ARSG: variants seen among roughly 807,000 people sequenced by gnomAD.
The protein encoded by ARSG is ASG.
ARSG carries 37 observed loss-of-function variants against 50.5 expected under a neutral mutation model. The ratio of observed to expected loss-of-function variants is 0.73; its 90% CI spans 0.56 to 0.96. The LOEUF is 0.96. Ranked by LOEUF, ARSG falls within the 50% of genes least tolerant of loss-of-function variation. ARSG has a pLI of 0.00. For synonymous variants in ARSG, 225 were observed against 254.6 expected, an observed-to-expected ratio of 0.88 and a Z score of 1.11; for missense variants, 629 against 675.3, an observed-to-expected ratio of 0.93 and a Z score of 0.76.
rs138277676 is a variant in ARSG at position 68,292,079 on chromosome 17, C to T, written c.-552+511C>T. On this transcript the variant is annotated intron_variant, in intron 1 of 11. Transcript: ENST00000621439. Reference sequence around the variant, plus strand: ...CCTTCCGGCAGTGGGGAGGGAGTGTCGCAGTGGGCCCCAGGGAGCGAGCGG... The same window carrying T: ...CCTTCCGGCAGTGGGGAGGGAGTGTTGCAGTGGGCCCCAGGGAGCGAGCGG... Among the ~76,000 whole-genome samples, 390 of 152,064 alleles carry T rather than the reference C, an allele frequency of 2.6e-3. 5 individuals are homozygous for T. Among genetic ancestry groups the T allele is most frequent in the Middle Eastern group, 0.017 (5 of 290 alleles).
intron 3 of ARSG, among the ~76,000 whole-genome samples, chr17:68,346,170 T>G (rs1013043378): frequency 1.3e-5 from 2 of 152,122 alleles, no homozygotes; most frequent in African/African-American, 4.8e-5. Context: ...GCCACTCAAT[T>G]GAGAGAAATT....
In ARSG at chr17:68,311,800, CTTTTTTTTTT is replaced by C. The variant is rs36097952; in HGVS notation, c.218+4100_218+4109del. Among the ~76,000 whole-genome samples, 5 of 116,374 alleles carry C rather than the reference CTTTTTTTTTT, an allele frequency of 4.3e-5. No homozygotes were observed. The South Asian group carries it at 1.2e-3, about 27-fold the overall frequency. The allele number at this position is 116,374 out of a possible 152,430, so 76.3% of individuals were successfully genotyped here. A position where few individuals can be genotyped will look rare whatever the true frequency, so the allele number is the denominator to read the frequency against. On this transcript the variant is annotated intron_variant, in intron 2 of 11. Transcript: ENST00000621439. ...CAGACTTTTAGCCTCCTGTACTGTA[CTTTTTTTTTT>C]TTTTTTTTTTGACGGAGTCTTGCTC...
intron 1 of ARSG, among the ~76,000 whole-genome samples, chr17:68,266,581 A>T (rs1790474314): frequency 6.6e-6 from 1 of 151,206 alleles, no homozygotes; most frequent in Non-Finnish European, 1.5e-5. Context: ...AGGCCGAAGC[A>T]GGTGGATCAC....
intron 1 of ARSG, among the ~76,000 whole-genome samples, chr17:68,279,331 C>T (rs564754173): frequency 1.3e-5 from 2 of 152,050 alleles, no homozygotes; most frequent in East Asian, 1.9e-4. Context: ...TCTTCTTCCC[C>T]GCCATTTTCT....
chr17:68,407,822 CTTTACTGATTTGAATGCCCT>C (rs1325919759), intron 11 of ARSG, among the ~76,000 whole-genome samples: 8 of 152,040 alleles, frequency 5.3e-5, no homozygotes, highest in South Asian at 4.1e-4. Flanking sequence ...TTGACTTCCT[CTTTACTGATTTGAATGCCCT>C]TTTACTGATT....
chr17:68,405,611 C>G (rs998265442), intron 11 of ARSG, among the ~76,000 whole-genome samples: 1 of 152,102 alleles, frequency 6.6e-6, no homozygotes, highest in Non-Finnish European at 1.5e-5. Context: ...AAGATTATAT[C>G]ATATCTGAAG....
At chr17:68,303,343 C>T (rs1219681382) in intron 1 of ARSG, among the ~76,000 whole-genome samples, 1 of 152,164 alleles carries the variant, frequency 6.6e-6, no homozygotes, top group African/African-American at 2.4e-5. Flanking sequence ...CCAGGCTGGT[C>T]TCCAACTCTC....
intron 2 of ARSG, among the ~76,000 whole-genome samples, chr17:68,343,192 T>C (rs1192244979): frequency 6.6e-6 from 1 of 152,178 alleles, no homozygotes; most frequent in Non-Finnish European, 1.5e-5. Flanking sequence ...GTCTCGCTCC[T>C]GTCACCCAGG....
At chr17:68,438,882 G>A in the ARSG span, among the ~76,000 whole-genome samples, 1 of 152,230 alleles carries the variant, frequency 6.6e-6, no homozygotes, top group African/African-American at 2.4e-5. Flanking sequence ...TTACAGGCGT[G>A]AGCCATCGTG....
intron 11 of ARSG, among the ~76,000 whole-genome samples, chr17:68,419,805 A>T (rs2082643883): frequency 6.6e-6 from 1 of 151,164 alleles, no homozygotes; most frequent in African/African-American, 2.4e-5. Context: ...GGAAAAAAAA[A>T]AAAAAAGTTG....
At chr17:68,437,005 A>AAATATATATATAT in the ARSG span, among the ~76,000 whole-genome samples, 6 of 107,192 alleles carry the variant, frequency 5.6e-5, no homozygotes, top group African/African-American at 1.8e-4. Context: ...AAAAAAAAAA[A>AAATATATATATAT]ATATATATAT....
chr17:68,367,953 C>A lies in ARSG; in HGVS notation c.705-595C>A, dbSNP rs778691599. Among the ~76,000 whole-genome samples the A allele has an allele frequency of 3.3e-5, 5 of 152,096 alleles. No homozygotes were observed. Among genetic ancestry groups the A allele is most frequent in the Non-Finnish European group, 7.4e-5 (5 of 68,020 alleles). On this transcript the variant is annotated intron_variant, in intron 6 of 11. Transcript: ENST00000621439. The surrounding 1 kb of genome is among the most constrained non-coding windows in gnomAD (Gnocchi z 4.5). ...GGCATGGGGGTGGGCACCTGTAATTCCAGCTACTCAGGAGGCTGAGGCGGG... is the reference window on the plus strand; with the variant it reads ...GGCATGGGGGTGGGCACCTGTAATTACAGCTACTCAGGAGGCTGAGGCGGG...
chr17:68,421,779 C>T, downstream of ARSG: 1 of 1,614,202 alleles, frequency 6.2e-7, no homozygotes, highest in Non-Finnish European at 8.5e-7. Flanking sequence ...CTCATCATGA[C>T]TGCTTCGTTT....
intron 2 of ARSG, among the ~76,000 whole-genome samples, chr17:68,318,729 C>G (rs1318159015): frequency 6.6e-6 from 1 of 152,194 alleles, no homozygotes; most frequent in African/African-American, 2.4e-5. Flanking sequence ...TTCTCTACCC[C>G]TGGTTTAATT....
intron 1 of ARSG, among the ~76,000 whole-genome samples, chr17:68,266,136 A>C (rs1599474146): frequency 6.6e-6 from 1 of 152,068 alleles, no homozygotes; most frequent in East Asian, 1.9e-4. Flanking sequence ...ATATCATTTC[A>C]TTCATGTATT....
In ARSG at chr17:68,351,696, T is replaced by A; in HGVS notation, c.566+10T>A. 6.4e-7 allele frequency: 1 copy of A among 1,573,876 alleles called. No individual in the cohort carries two copies. Among genetic ancestry groups the A allele is most frequent in the South Asian group, 1.1e-5 (1 of 90,262 alleles). On this transcript the variant is annotated intron_variant, in intron 5 of 11. Transcript: ENST00000621439. ...GTGATGGACCATCAAGGTAATGCTGTCTGACACATTTGCGATAGGCTCCAG... is the reference window on the plus strand; with the variant it reads ...GTGATGGACCATCAAGGTAATGCTGACTGACACATTTGCGATAGGCTCCAG...
At chr17:68,264,004 C>T (rs1322909654) in intron 1 of ARSG, among the ~76,000 whole-genome samples, 4 of 152,062 alleles carry the variant, frequency 2.6e-5, no homozygotes, top group East Asian at 1.9e-4. Context: ...ATTACAGGCA[C>T]GCACCAACAT....
rs143405149 is a variant in ARSG, at chr17:68,261,071, C to T, written c.-552+1645C>T. 1.8e-3 allele frequency among the ~76,000 whole-genome samples: 268 copies of T among 152,268 alleles called. 2 individuals are homozygous for T. Among genetic ancestry groups the T allele is most frequent in the African/African-American group, 6.1e-3 (254 of 41,558 alleles). ...ACCCATCCATCCTCAGATGCTGAGC[C>T]GGTGGGTTCTCAGCACAGTGCTTTC... On this transcript the variant is annotated intron_variant, in intron 1 of 11. Transcript: ENST00000448504.
upstream of ARSG, among the ~76,000 whole-genome samples, chr17:68,290,382 A>C (rs1338757758): frequency 6.6e-6 from 1 of 152,236 alleles, no homozygotes; most frequent in Non-Finnish European, 1.5e-5. Context: ...TTCCTCTGCA[A>C]AACCATCTTC....
Sources: allele counts gnomAD v4.1 joint callset (sites outside exome capture counted in the v4.1 genomes callset), GRCh38; gene constraint gnomAD v4.1.1; non-coding constraint Gnocchi (gnomAD v3.1); transcripts MANE v1.5; gene names NCBI Gene and HGNC (gene_info 2026-07-23, HGNC 2026-07-21).